Variants in RORA observed in about 807,000 individuals in gnomAD.
RORA encodes the protein nuclear receptor ROR-alpha.
A neutral mutation model predicts 69.5 loss-of-function variants in RORA; 7 were observed. The ratio of observed to expected loss-of-function variants is 0.10; its 90% CI spans 0.06 to 0.19. The LOEUF (loss-of-function observed/expected upper bound fraction) is 0.19, where lower values mean the gene tolerates loss of function less well. RORA is among the 10% of genes least tolerant of loss of function. RORA has a pLI of 1.00. For synonymous variants in RORA, 261 were observed against 240.8 expected (o/e 1.08, Z -0.78); for missense variants, 457 against 663.0 (o/e 0.69, Z 3.41).
intron 1 of RORA, among the ~76,000 whole-genome samples, chr15:60,688,329 T>C (rs577893873): frequency 1.3e-5 from 2 of 151,962 alleles, no homozygotes; most frequent in South Asian, 4.2e-4. Context: ...TATGTTTGGG[T>C]GGAGGAATTA....
rs530344526 is a variant in RORA at position 60,933,549 on chromosome 15, G to C, written c.167-254863C>G. Among the ~76,000 whole-genome samples, 30 of 152,156 alleles carry C rather than the reference G, an allele frequency of 2.0e-4. No homozygotes were observed. The South Asian group carries it at 3.1e-3, about 16-fold the overall frequency. ...TTGTTGGTACCTTCCTATTGACATAGAACGCATTATTCTGAATCGCAGGCA... is the reference window on the plus strand; with the variant it reads ...TTGTTGGTACCTTCCTATTGACATACAACGCATTATTCTGAATCGCAGGCA... On this transcript the variant is annotated intron_variant, in intron 1 of 10. Coordinates refer to ENST00000335670, the MANE Select transcript of RORA (RefSeq NM_134261.3).
intron 1 of RORA, among the ~76,000 whole-genome samples, chr15:61,188,833 C>T (rs1432498306): frequency 6.6e-6 from 1 of 152,100 alleles, no homozygotes; most frequent in African/African-American, 2.4e-5. Flanking sequence ...CCTCAAGGAG[C>T]TCAACACACT....
intron 1 of RORA, among the ~76,000 whole-genome samples, chr15:60,943,383 T>C (rs139972172): frequency 2.0e-5 from 3 of 151,966 alleles, no homozygotes; most frequent in East Asian, 1.9e-4. Flanking sequence ...CTGGCTCTTG[T>C]AGTCACTCTT....
chr15:60,816,906 T>C (rs1163745398), intron 1 of RORA, among the ~76,000 whole-genome samples: 1 of 152,212 alleles, frequency 6.6e-6, no homozygotes, highest in Non-Finnish European at 1.5e-5. Flanking sequence ...TCACATTTTC[T>C]GTTTTAAATG....
At chr15:61,044,888 T>C (rs782941) in intron 1 of RORA, among the ~76,000 whole-genome samples, 150,430 of 152,330 alleles carry the variant, frequency 0.99, 74,318 homozygotes, top group Middle Eastern at 1. Flanking sequence ...TGCCCTGGGG[T>C]CTAAAACATT....
intron 1 of RORA, among the ~76,000 whole-genome samples, chr15:60,732,530 C>T (rs967175757): frequency 1.3e-5 from 2 of 152,100 alleles, no homozygotes; most frequent in Admixed American, 6.6e-5. Flanking sequence ...AAAAATTAAG[C>T]AAATTAATCT....
chr15:60,950,506 G>A (rs1191613367), intron 1 of RORA, among the ~76,000 whole-genome samples: 1 of 133,832 alleles, frequency 7.5e-6, no homozygotes, highest in East Asian at 2.1e-4. Flanking sequence ...ATTGGATAAA[G>A]AGTCAAGACC....
chr15:61,173,735 G>A (rs1481941563), intron 1 of RORA, among the ~76,000 whole-genome samples: 3 of 152,106 alleles, frequency 2.0e-5, no homozygotes, highest in African/African-American at 7.2e-5. Flanking sequence ...GGCTCACTGC[G>A]ACCTCAACCT....
intron 3 of RORA, among the ~76,000 whole-genome samples, chr15:60,517,685 T>C (rs1270463745): frequency 2.6e-5 from 4 of 152,216 alleles, no homozygotes; most frequent in Admixed American, 6.5e-5. Flanking sequence ...GAAAGGTGTT[T>C]ATCTCTTTCT....
In RORA at chr15:60,691,889, A is replaced by T. The variant is rs76873237; in HGVS notation, c.167-13203T>A. Among the ~76,000 whole-genome samples the T allele has an allele frequency of 3.8e-4, 58 of 152,298 alleles. No homozygotes were observed. In the East Asian group the frequency reaches 0.01, roughly 27 times the overall value. ...ACCCAACTTGTAAAACTAATCTCAT[A>T]TTGGCTCTGGGATAATAAAGAATCT... On this transcript the variant is annotated intron_variant, in intron 1 of 10. Coordinates refer to ENST00000335670, the MANE Select transcript of RORA (RefSeq NM_134261.3).
chr15:60,892,435 AC>A (rs2073822498), intron 1 of RORA, among the ~76,000 whole-genome samples: 1 of 152,142 alleles, frequency 6.6e-6, no homozygotes, highest in Non-Finnish European at 1.5e-5. Context: ...TTGCTTGGAC[AC>A]CCACTCACCT....
At chr15:60,995,292 G>T (rs1368190727) in intron 1 of RORA, among the ~76,000 whole-genome samples, 1 of 152,162 alleles carries the variant, frequency 6.6e-6, no homozygotes, top group Non-Finnish European at 1.5e-5. Context: ...TAGCACTCCG[G>T]GTACAGAGGC....
rs150657919 is a variant in RORA, at chr15:60,758,983, A to T, written c.167-80297T>A. Among the ~76,000 whole-genome samples the T allele has an allele frequency of 7.0e-3, 1,064 of 152,328 alleles. 12 individuals carry two copies. The highest frequency in any genetic ancestry group is 0.025 in the African/African-American group (1,026 of 41,578). On this transcript the variant is annotated intron_variant, in intron 1 of 10. Transcript: ENST00000335670. ...TCTGAATGCCACATAGCAAGTTAGC[A>T]CCTGAGCTGAGGCTCAAACCGTTCT...
At chr15:60,730,848 G>A (rs2140836953) in intron 1 of RORA, among the ~76,000 whole-genome samples, 1 of 148,256 alleles carries the variant, frequency 6.7e-6, no homozygotes, top group East Asian at 2.0e-4. Context: ...TATTCATATA[G>A]GAAAAGAATT....
chr15:60,742,262 T>C (rs8029511), intron 1 of RORA, among the ~76,000 whole-genome samples: 4,268 of 152,300 alleles, frequency 0.028, 140 homozygotes, highest in African/African-American at 0.074. Flanking sequence ...ATTATAAAAA[T>C]GTTATATGCT....
At chr15:61,041,954 G>T (rs1896793358) in intron 1 of RORA, among the ~76,000 whole-genome samples, 2 of 152,276 alleles carry the variant, frequency 1.3e-5, no homozygotes, top group Middle Eastern at 6.8e-3. Context: ...AACACAGAGA[G>T]GTTAAATAAC....
intron 1 of RORA, among the ~76,000 whole-genome samples, chr15:60,737,796 C>T (rs543340644): frequency 3.5e-4 from 53 of 152,308 alleles, no homozygotes; most frequent in Non-Finnish European, 6.9e-4. Flanking sequence ...CACTGGGCTC[C>T]TGGAAGCTCA....
intron 1 of RORA, among the ~76,000 whole-genome samples, chr15:60,728,307 C>CCGT (rs753444876): frequency 3.5e-4 from 54 of 152,242 alleles, no homozygotes; most frequent in Middle Eastern, 3.4e-3. Context: ...TATTCTCTTA[C>CCGT]CGTTCAACAA....
chr15:61,202,709 A>G (rs2079906556), intron 1 of RORA, among the ~76,000 whole-genome samples: 1 of 151,980 alleles, frequency 6.6e-6, no homozygotes, highest in Non-Finnish European at 1.5e-5. Context: ...GAAAAACTCT[A>G]CCCCTTGCCC....
Sources: allele counts gnomAD v4.1 joint callset (sites outside exome capture counted in the v4.1 genomes callset), GRCh38; gene constraint gnomAD v4.1.1; transcripts MANE v1.5; gene names NCBI Gene and HGNC (gene_info 2026-07-23, HGNC 2026-07-21).